Variants in MID1 observed in about 807,000 individuals in gnomAD.
MID1 encodes midline 1.
A neutral mutation model predicts 40.4 loss-of-function variants in MID1; 7 were observed. The ratio of observed to expected loss-of-function variants is 0.17; its 90% confidence interval spans 0.10 to 0.33. The LOEUF is 0.33. Ranked by LOEUF, MID1 falls within the 10% of genes least tolerant of loss-of-function variation. The pLI is 1.00. For missense variants in MID1, 367 were observed against 558.5 expected, an observed-to-expected ratio of 0.66 and a Z score of 3.46; for synonymous variants, 229 against 221.2, an observed-to-expected ratio of 1.04 and a Z score of -0.31.
chrX:10,779,957 T>C (rs183295419), intron 1 of MID1, among the ~76,000 whole-genome samples: 299 of 102,661 alleles, frequency 2.9e-3, no homozygotes, highest in Non-Finnish European at 3.0e-3. Context: ...CCTATTTTTC[T>C]TTTCTTTGTT....
At chrX:10,518,632 A>G (rs763330209) in intron 3 of MID1, among the ~76,000 whole-genome samples, 2 of 112,039 alleles carry the variant, frequency 1.8e-5, no homozygotes, top group South Asian at 7.4e-4. Flanking sequence ...AACTTTTGAA[A>G]ATTATACTTT....
At chrX:10,720,965 G>A (rs977273782) in intron 1 of MID1, among the ~76,000 whole-genome samples, 14 of 106,564 alleles carry the variant, frequency 1.3e-4, no homozygotes, top group Non-Finnish European at 5.8e-5. Flanking sequence ...ACCGAACACC[G>A]CATGTTCTCA....
Position 10,454,720 on chromosome X carries a change from T to G in MID1, c.1655+150A>C, listed in dbSNP as rs1928547989. On this transcript the variant is annotated intron_variant, in intron 9 of 9. Coordinates refer to ENST00000317552, the MANE Select transcript of MID1 (RefSeq NM_000381.4). ...TGAATCTGCTGAGTTTGGGGGTGTT[T>G]GTTATGCAGTATTATCCTAGCAAGA... 5.7e-6 allele frequency: 3 copies of G among 522,668 alleles called. No homozygotes were observed. The African/African-American group carries it at 6.9e-5, about 12-fold the overall frequency. 43.1% of individuals were successfully genotyped at this position (522,668 alleles called of 1,213,427 possible).
chrX:10,571,302 T>C (rs1934715542), intron 1 of MID1, among the ~76,000 whole-genome samples: 1 of 111,923 alleles, frequency 8.9e-6, no homozygotes. Context: ...GTTTGATATC[T>C]ATAGTGCATC....
chrX:10,529,321 C>G (rs1402751533), intron 2 of MID1, among the ~76,000 whole-genome samples: 1 of 111,799 alleles, frequency 8.9e-6, no homozygotes, highest in Non-Finnish European at 1.9e-5. Context: ...TAGTACATAG[C>G]TACAAGAATA....
chrX:10,549,942 GAA>G (rs1306804176), intron 2 of MID1, among the ~76,000 whole-genome samples: 1 of 112,612 alleles, frequency 8.9e-6, no homozygotes, highest in Non-Finnish European at 1.9e-5. Context: ...CCTCAGCAAT[GAA>G]GACTCACATC....
chrX:10,593,847 T>G (rs1407677377), intron 1 of MID1, among the ~76,000 whole-genome samples: 1 of 107,192 alleles, frequency 9.3e-6, no homozygotes, highest in African/African-American at 3.4e-5. Flanking sequence ...CAAGTCCTCA[T>G]CCCCCAAAGC....
At chrX:10,718,935 A>G (rs1286331506) in intron 1 of MID1, among the ~76,000 whole-genome samples, 2 of 112,100 alleles carry the variant, frequency 1.8e-5, no homozygotes, top group Non-Finnish European at 3.8e-5. Context: ...AAACAGAACC[A>G]AAGAAAAAAC....
At chrX:10,629,763 C>T (rs1936032248) in intron 1 of MID1, among the ~76,000 whole-genome samples, 1 of 112,262 alleles carries the variant, frequency 8.9e-6, no homozygotes, top group African/African-American at 3.2e-5. Flanking sequence ...TTCATTTCCA[C>T]AGTTAGGAAT....
intron 1 of MID1, among the ~76,000 whole-genome samples, chrX:10,586,201 G>A (rs964178996): frequency 5.4e-5 from 6 of 111,761 alleles, no homozygotes; most frequent in Non-Finnish European, 1.1e-4. Flanking sequence ...GTGACTTGAT[G>A]TATATACTGG....
chrX:10,481,586 C>G, intron 5 of MID1, among the ~76,000 whole-genome samples: 1 of 111,286 alleles, frequency 9.0e-6, no homozygotes, highest in Middle Eastern at 4.6e-3. Flanking sequence ...ATTACAGGCG[C>G]CTGCCACCAC....
At chrX:10,457,612 T>C (rs1181791739) in intron 8 of MID1, among the ~76,000 whole-genome samples, 1 of 111,964 alleles carries the variant, frequency 8.9e-6, no homozygotes, top group Non-Finnish European at 1.9e-5. Flanking sequence ...CACCACATCA[T>C]AGTGCAAGAG....
rs1037533392 is a variant in MID1, at chrX:10,448,218, T to A, written c.*1150A>T. The A allele has an allele frequency of 1.8e-5, 2 of 111,072 alleles. No homozygotes were observed. The highest frequency in any genetic ancestry group is 3.3e-5 in the African/African-American group (1 of 30,448). The allele number at this position is 111,072 out of a possible 1,213,427, so 9.2% of individuals were successfully genotyped here. ...TAATAAAGGTCTGTTTATAATAACT[T>A]TTGAGGCATGAATCTAGCAAATAGT... is the stretch of plus-strand genomic sequence containing the variant. On this transcript the variant is annotated 3_prime_UTR_variant, in exon 10 of 10. Transcript: ENST00000317552.
At chrX:10,796,191 C>T (rs2043965717) in intron 1 of MID1, among the ~76,000 whole-genome samples, 1 of 111,994 alleles carries the variant, frequency 8.9e-6, no homozygotes, top group African/African-American at 3.2e-5. Context: ...TGAAAAAGTG[C>T]ATTTTAAAAG....
chrX:10,826,446 TAACTGCAAA>T (rs1466649375), intron 1 of MID1, among the ~76,000 whole-genome samples: 1 of 112,311 alleles, frequency 8.9e-6, no homozygotes, highest in East Asian at 2.8e-4. Context: ...TAATTACTTT[TAACTGCAAA>T]AACCGCGATT....
chrX:10,566,524 TCTCTCTCC>T (rs1272785979), intron 2 of MID1, among the ~76,000 whole-genome samples: 1,383 of 91,066 alleles, frequency 0.015, 25 homozygotes, highest in African/African-American at 0.061. Flanking sequence ...TCTCTCTCCC[TCTCTCTCC>T]CTCTCTCTCT....
At chrX:10,619,382 C>T (rs1935894812) in intron 1 of MID1, among the ~76,000 whole-genome samples, 2 of 111,433 alleles carry the variant, frequency 1.8e-5, no homozygotes, top group African/African-American at 6.6e-5. Context: ...CAATAGCATT[C>T]CTCTTGAAAT....
chrX:10,549,797 A>G (rs1933838187), intron 2 of MID1, among the ~76,000 whole-genome samples: 1 of 113,083 alleles, frequency 8.8e-6, no homozygotes, highest in African/African-American at 3.2e-5. Context: ...CTGTGCAGCC[A>G]GGTTGAGAAC....
intron 1 of MID1, among the ~76,000 whole-genome samples, chrX:10,579,704 C>G (rs187476253): frequency 5.8e-4 from 65 of 111,595 alleles, no homozygotes; most frequent in African/African-American, 2.1e-3. Context: ...AAAACGAACC[C>G]TTATTCACAA....
Sources: gnomAD v4.1 joint callset for allele counts (sites outside exome capture counted in the v4.1 genomes callset) on GRCh38, gnomAD v4.1.1 for gene constraint, MANE v1.5 for transcripts, NCBI Gene and HGNC (gene_info 2026-07-23, HGNC 2026-07-21) for gene names.